The following PDE4B variants were observed in gnomAD, a reference collection of about 807,000 sequenced individuals.
The protein encoded by PDE4B is 3',5'-cyclic-AMP phosphodiesterase 4B.
In PDE4B, 20 loss-of-function variants were observed where a neutral mutation model predicts 82.2. The ratio of observed to expected loss-of-function variants is 0.24; its 90% CI spans 0.17 to 0.35. The LOEUF (loss-of-function observed/expected upper bound fraction) is 0.35, where lower values mean the gene tolerates loss of function less well. Among genes scored for constraint, PDE4B ranks in the 10% least tolerant of loss-of-function variants. The pLI, the probability that PDE4B is intolerant of heterozygous loss-of-function variation, is 1.00. For missense variants in PDE4B, 655 were observed against 907.2 expected (o/e 0.72, Z 3.57); for synonymous variants, 320 against 318.9 (o/e 1.00, Z -0.04).
chr1:66,130,356 C>A (rs778923230), intron 3 of PDE4B, among the ~76,000 whole-genome samples: 18 of 152,222 alleles, frequency 1.2e-4, no homozygotes, highest in Non-Finnish European at 2.2e-4. Flanking sequence ...TTCATTCATT[C>A]ATTCATGTGA....
chr1:66,093,628 C>A lies in PDE4B; in HGVS notation c.282-153832C>A, dbSNP rs114518176. Among the ~76,000 whole-genome samples the A allele has an allele frequency of 3.6e-3, 542 of 152,124 alleles. 5 individuals are homozygous for A. The highest frequency in any genetic ancestry group is 0.012 in the African/African-American group (513 of 41,530). On this transcript the variant is annotated intron_variant, in intron 3 of 16. Coordinates refer to ENST00000341517, the MANE Select transcript of PDE4B (RefSeq NM_002600.4). ...ATCTTGCTTTCCTGAGGCTTCTAACCAATAAGCTATACTAAGCCTAACTTA... is the reference window on the plus strand; with the variant it reads ...ATCTTGCTTTCCTGAGGCTTCTAACAAATAAGCTATACTAAGCCTAACTTA...
At chr1:65,950,104 C>T (rs972621651) in intron 3 of PDE4B, among the ~76,000 whole-genome samples, 2 of 152,050 alleles carry the variant, frequency 1.3e-5, no homozygotes, top group African/African-American at 4.8e-5. Flanking sequence ...TGCTAATTTA[C>T]TTTGTTGATT....
chr1:65,941,954 C>G (rs1404375851), intron 3 of PDE4B, among the ~76,000 whole-genome samples: 3 of 152,120 alleles, frequency 2.0e-5, no homozygotes, highest in Non-Finnish European at 4.4e-5. Context: ...GCGATAGTCT[C>G]TGCTTCCACT....
chr1:65,815,193 G>A (rs1645868042), intron 1 of PDE4B, among the ~76,000 whole-genome samples: 3 of 148,382 alleles, frequency 2.0e-5, no homozygotes, highest in Non-Finnish European at 3.0e-5. Context: ...ATCTCCCAGT[G>A]CCATCCCTCC....
chr1:66,273,448 G>A (rs1655652693), intron 7 of PDE4B, among the ~76,000 whole-genome samples: 1 of 152,182 alleles, frequency 6.6e-6, no homozygotes. Flanking sequence ...TCAATTCAGG[G>A]CCTGGGCCCT....
chr1:65,934,644 C>T lies in PDE4B; in HGVS notation c.281+15809C>T, dbSNP rs192936884. 7.7e-4 allele frequency among the ~76,000 whole-genome samples: 117 copies of T among 152,284 alleles called. 1 individual carries two copies. Among genetic ancestry groups the T allele is most frequent in the African/African-American group, 2.5e-3 (103 of 41,552 alleles). ...AACTATGTGCTGTCTATAAGAAACT[C>T]ACTTTAGATTTAAAGACACAGATAG... On this transcript the variant is annotated intron_variant, in intron 3 of 16. Transcript: ENST00000341517.
intron 3 of PDE4B, among the ~76,000 whole-genome samples, chr1:65,980,514 A>G (rs1650631255): frequency 2.6e-5 from 4 of 152,154 alleles, no homozygotes. Flanking sequence ...AATATAAATC[A>G]CTTGTTATAA....
intron 3 of PDE4B, among the ~76,000 whole-genome samples, chr1:65,996,790 C>T (rs983165965): frequency 1.3e-4 from 19 of 151,914 alleles, no homozygotes; most frequent in Admixed American, 1.1e-3. Context: ...CTTTGTTAGA[C>T]GATATGAGAA....
At chr1:65,793,617 G>A (rs1259703045) in intron 1 of PDE4B, among the ~76,000 whole-genome samples, 1 of 152,176 alleles carries the variant, frequency 6.6e-6, no homozygotes, top group Non-Finnish European at 1.5e-5. Flanking sequence ...GTGATTGACT[G>A]CAGGCAGCGG....
intron 1 of PDE4B, among the ~76,000 whole-genome samples, chr1:65,852,598 T>G (rs993151870): frequency 2.0e-5 from 3 of 152,072 alleles, no homozygotes; most frequent in African/African-American, 7.2e-5. Flanking sequence ...TGTCTCTCAC[T>G]GTAAACACTG....
chr1:66,033,714 G>GA (rs5774787), intron 3 of PDE4B, among the ~76,000 whole-genome samples: 65,698 of 137,160 alleles, frequency 0.48, 15,737 homozygotes, highest in Non-Finnish European at 0.55. Flanking sequence ...GCACCAAATT[G>GA]AAAAAAAAAA....
intron 1 of PDE4B, among the ~76,000 whole-genome samples, chr1:65,873,760 A>G (rs2100309597): frequency 6.6e-6 from 1 of 152,314 alleles, no homozygotes; most frequent in East Asian, 1.9e-4. Flanking sequence ...TTCTACATAT[A>G]TGTGTTAGGG....
At chr1:66,266,616 G>GTGTTTTGTTT (rs142998183) in intron 7 of PDE4B, 6 of 453,994 alleles carry the variant, frequency 1.3e-5, no homozygotes, top group Middle Eastern at 3.4e-4. Flanking sequence ...TTCCTCAACG[G>GTGTTTTGTTT]TGTTTTGTTT....
At chr1:66,287,226 G>T (rs778440852) in intron 7 of PDE4B, among the ~76,000 whole-genome samples, 1 of 152,086 alleles carries the variant, frequency 6.6e-6, no homozygotes, top group South Asian at 2.1e-4. Flanking sequence ...CTCCATCTTC[G>T]AATCCAAACA....
rs547782937 is a variant in PDE4B at position 65,997,353 on chromosome 1, A to T, written c.281+78518A>T. On this transcript the variant is annotated intron_variant, in intron 3 of 16. Transcript: ENST00000341517. ...TATCTTGGAAATCTTTTCTCGTTTTAACAAAGGTTTATGAAGTCTTTACTT... is the reference window on the plus strand; with the variant it reads ...TATCTTGGAAATCTTTTCTCGTTTTTACAAAGGTTTATGAAGTCTTTACTT... 3.9e-5 allele frequency among the ~76,000 whole-genome samples: 6 copies of T among 152,232 alleles called. No individual in the cohort carries two copies. In the East Asian group the frequency reaches 1.2e-3, roughly 29 times the overall value.
intron 3 of PDE4B, chr1:66,046,120 A>T (rs1654698933): frequency 6.6e-6 from 1 of 151,842 alleles, no homozygotes. Flanking sequence ...TCTGAGCTGG[A>T]TAGGATGAAG....
intron 1 of PDE4B, among the ~76,000 whole-genome samples, chr1:65,797,871 C>T (rs1208738898): frequency 6.6e-6 from 1 of 152,148 alleles, no homozygotes; most frequent in African/African-American, 2.4e-5. Flanking sequence ...AGTTGGAAGA[C>T]ATCCACTGCT....
rs562859385 is a variant in PDE4B, at chr1:66,139,154, C to T, written c.282-108306C>T. 9.1e-4 allele frequency among the ~76,000 whole-genome samples: 138 copies of T among 152,300 alleles called. 1 individual carries two copies. The highest frequency in any genetic ancestry group is 3.2e-3 in the African/African-American group (133 of 41,556). Reference sequence around the variant, plus strand: ...CTTATTGTCTCATGGTTCTATTCATCAGAAGTCCAAGTACAGCATGGTTCA... The same window carrying T: ...CTTATTGTCTCATGGTTCTATTCATTAGAAGTCCAAGTACAGCATGGTTCA... On this transcript the variant is annotated intron_variant, in intron 3 of 16. Transcript: ENST00000341517.
chr1:66,070,408 T>C (rs905290486), intron 3 of PDE4B, among the ~76,000 whole-genome samples: 4 of 151,780 alleles, frequency 2.6e-5, no homozygotes, highest in African/African-American at 9.7e-5. Context: ...TATGAGGGAA[T>C]GGTAGAGGGA....
Sources: gnomAD v4.1 joint callset for allele counts (sites outside exome capture counted in the v4.1 genomes callset) on GRCh38, gnomAD v4.1.1 for gene constraint, MANE v1.5 for transcripts, NCBI Gene and HGNC (gene_info 2026-07-23, HGNC 2026-07-21) for gene names.